The following STK32B variants were observed in gnomAD, a reference collection of about 807,000 sequenced individuals.
The protein encoded by STK32B is serine/threonine kinase 32B.
STK32B carries 43 observed loss-of-function variants against 52.6 expected under a neutral mutation model. The ratio of observed to expected loss-of-function variants is 0.82; its 90% confidence interval spans 0.64 to 1.05. The LOEUF is 1.05. STK32B is among the 50% of genes least tolerant of loss of function. The pLI, the probability that STK32B is intolerant of heterozygous loss-of-function variation, is 0.00. For missense variants in STK32B, 621 were observed against 534.6 expected, an observed-to-expected ratio of 1.16 and a Z score of -1.59; for synonymous variants, 238 against 204.3, an observed-to-expected ratio of 1.17 and a Z score of -1.41.
intron 1 of STK32B, among the ~76,000 whole-genome samples, chr4:5,135,863 C>G (rs1002919364): frequency 6.6e-6 from 1 of 152,162 alleles, no homozygotes; most frequent in Admixed American, 6.5e-5. Context: ...TTGATTAGAT[C>G]TGGATCACAA....
At chr4:5,435,103 G>A (rs141419029) in intron 6 of STK32B, among the ~76,000 whole-genome samples, 2 of 152,308 alleles carry the variant, frequency 1.3e-5, no homozygotes, top group East Asian at 1.9e-4. Context: ...AGCCCTGCAC[G>A]AATGCTGTGG....
At chr4:5,440,201 G>A (rs1385518320) in intron 6 of STK32B, among the ~76,000 whole-genome samples, 1 of 152,118 alleles carries the variant, frequency 6.6e-6, no homozygotes, top group Admixed American at 6.6e-5. Context: ...GGGCAGTATG[G>A]CCATTTTCAC....
chr4:5,086,016 A>G (rs929289070), intron 1 of STK32B, among the ~76,000 whole-genome samples: 13 of 152,188 alleles, frequency 8.5e-5, no homozygotes, highest in Admixed American at 2.0e-4. Context: ...GAGAAGGGTA[A>G]TTGTCTAAAA....
rs944614077 is a variant in STK32B, at chr4:5,396,234, G to A, written c.435-1973G>A. Among the ~76,000 whole-genome samples the A allele has an allele frequency of 2.6e-5, 4 of 152,208 alleles. No homozygotes were observed. Among genetic ancestry groups the A allele is most frequent in the Non-Finnish European group, 5.9e-5 (4 of 68,038 alleles). ...TCAGGAGAGAATCCGCCCCTGGCCT[G>A]TTCCAGCTCCAGGTGGCTCCAGGCG... On this transcript the variant is annotated intron_variant, in intron 4 of 11. Coordinates refer to ENST00000282908, the MANE Select transcript of STK32B (RefSeq NM_018401.3). The surrounding 1 kb of genome is among the most constrained non-coding windows in gnomAD (Gnocchi z 4.7).
chr4:5,043,423 T>C, the STK32B span, among the ~76,000 whole-genome samples: 2 of 152,250 alleles, frequency 1.3e-5, no homozygotes, highest in African/African-American at 2.4e-5. Flanking sequence ...ACTGTGCATA[T>C]AGTTTTGCTT....
At position 5,394,215 on chromosome 4, in the gene STK32B, C is replaced by T. The variant is rs541214847; in HGVS notation, c.435-3992C>T. ...GGGCTGGGGAATAATTCAAGAGCAG[C>T]ACCGGGTTTTATAGCCCTGCATGCG... On this transcript the variant is annotated intron_variant, in intron 4 of 11. Transcript: ENST00000282908. The surrounding 1 kb of genome is among the most constrained non-coding windows in gnomAD (Gnocchi z 4.2). Among the ~76,000 whole-genome samples, 58 of 152,278 alleles carry T rather than the reference C, an allele frequency of 3.8e-4. No individual in the cohort carries two copies. Among genetic ancestry groups the T allele is most frequent in the Middle Eastern group, 6.8e-3 (2 of 294 alleles).
At chr4:5,332,003 C>G (rs1053149499) in intron 4 of STK32B, among the ~76,000 whole-genome samples, 2 of 152,208 alleles carry the variant, frequency 1.3e-5, no homozygotes, top group Non-Finnish European at 2.9e-5. Context: ...AATGTTCTCA[C>G]TGACCCCAGA....
intron 3 of STK32B, among the ~76,000 whole-genome samples, chr4:5,203,122 A>T (rs973661444): frequency 6.6e-6 from 1 of 152,204 alleles, no homozygotes; most frequent in Non-Finnish European, 1.5e-5. Flanking sequence ...CTCTAAAAAG[A>T]TGAAGGTATT....
intron 3 of STK32B, among the ~76,000 whole-genome samples, chr4:5,171,598 G>A (rs897660423): frequency 4.0e-5 from 6 of 151,642 alleles, no homozygotes; most frequent in African/African-American, 1.5e-4. Flanking sequence ...TCTCAGGTTT[G>A]TCAGAGATCA....
At chr4:5,289,685 ATTTTTTTTTTTTTTTTT>A (rs56211807) in intron 3 of STK32B, among the ~76,000 whole-genome samples, 1 of 86,854 alleles carries the variant, frequency 1.2e-5, no homozygotes, top group Non-Finnish European at 2.4e-5. Context: ...TGCCCGGCTA[ATTTTTTTTTTTTTTTTT>A]TTTTTTTTTT....
At chr4:5,283,369 C>T (rs1181003721) in intron 3 of STK32B, among the ~76,000 whole-genome samples, 1 of 151,708 alleles carries the variant, frequency 6.6e-6, no homozygotes, top group African/African-American at 2.4e-5. Flanking sequence ...TATGAGACAC[C>T]ATCAAGATGT....
chr4:5,412,629 A>C (rs1378455308), intron 5 of STK32B, among the ~76,000 whole-genome samples: 2 of 152,278 alleles, frequency 1.3e-5, no homozygotes, highest in East Asian at 3.9e-4. Flanking sequence ...TGGCCCCAAC[A>C]CTAGTGACTG....
chr4:5,297,781 G>A (rs1729301044), intron 3 of STK32B, among the ~76,000 whole-genome samples: 1 of 151,808 alleles, frequency 6.6e-6, no homozygotes, highest in African/African-American at 2.4e-5. Context: ...GCCTACTTCT[G>A]TCAATTCATC....
At chr4:5,493,609 G>C (rs1052859884) in intron 11 of STK32B, among the ~76,000 whole-genome samples, 6 of 151,840 alleles carry the variant, frequency 4.0e-5, no homozygotes, top group Non-Finnish European at 8.8e-5. Flanking sequence ...GTTATTTCTT[G>C]CCTTCTGCTA....
At chr4:5,403,021 C>T (rs1236223426) in intron 5 of STK32B, among the ~76,000 whole-genome samples, 4 of 152,172 alleles carry the variant, frequency 2.6e-5, no homozygotes, top group Non-Finnish European at 2.9e-5. Flanking sequence ...GCAGCAGCCG[C>T]GTGGTCAGAG....
intron 3 of STK32B, among the ~76,000 whole-genome samples, chr4:5,328,340 A>G (rs1288279368): frequency 1.3e-5 from 2 of 152,240 alleles, no homozygotes; most frequent in Non-Finnish European, 2.9e-5. Flanking sequence ...GGCATTTGGC[A>G]TGTCTTTCTC....
chr4:5,165,313 C>T (rs371516195), intron 2 of STK32B, among the ~76,000 whole-genome samples: 2 of 152,174 alleles, frequency 1.3e-5, no homozygotes, highest in African/African-American at 4.8e-5. Context: ...AGTCAAACTT[C>T]CAAGCTCTAT....
At chr4:5,220,891 T>G (rs866689277) in intron 3 of STK32B, among the ~76,000 whole-genome samples, 9 of 152,222 alleles carry the variant, frequency 5.9e-5, no homozygotes, top group Admixed American at 1.3e-4. Flanking sequence ...TCAAGTTGAC[T>G]GCTCAGGAAT....
chr4:5,265,649 T>A (rs187154018), intron 3 of STK32B, among the ~76,000 whole-genome samples: 11 of 152,362 alleles, frequency 7.2e-5, no homozygotes, highest in Non-Finnish European at 1.0e-4. Context: ...TTTTATTTGT[T>A]GCATATTTAT....
Sources: allele counts gnomAD v4.1 joint callset (sites outside exome capture counted in the v4.1 genomes callset), GRCh38; gene constraint gnomAD v4.1.1; non-coding constraint Gnocchi (gnomAD v3.1); transcripts MANE v1.5; gene names NCBI Gene and HGNC (gene_info 2026-07-23, HGNC 2026-07-21).